Variants in DNAH14 observed in about 807,000 individuals in gnomAD.
DNAH14 encodes the protein axonemal beta dynein heavy chain 14.
In DNAH14, 478 loss-of-function variants were observed where a neutral mutation model predicts 520.9. The observed-to-expected ratio is 0.92, with a 90% CI of 0.85 to 0.99. DNAH14 has a LOEUF of 0.99. Among genes scored for constraint, DNAH14 ranks in the 50% least tolerant of loss-of-function variants. DNAH14 has a pLI of 0.00. For missense variants in DNAH14, 4,831 were observed against 5,234.5 expected (o/e 0.92, Z 2.38); for synonymous variants, 1,581 against 1,757.2 (o/e 0.90, Z 2.51).
intron 28 of DNAH14, among the ~76,000 whole-genome samples, chr1:225,143,522 A>G (rs1455029364): frequency 6.6e-6 from 1 of 152,190 alleles, no homozygotes; most frequent in Admixed American, 6.5e-5. Flanking sequence ...ACACTACTAC[A>G]TGATAGCATA....
At chr1:225,382,637 C>A (rs1265884027) in intron 81 of DNAH14, among the ~76,000 whole-genome samples, 2 of 151,826 alleles carry the variant, frequency 1.3e-5, no homozygotes, top group Non-Finnish European at 2.9e-5. Context: ...TTGCTTGAAC[C>A]CAGAAGGCAG....
intron 23 of DNAH14, among the ~76,000 whole-genome samples, chr1:225,105,442 G>A (rs1352398836): frequency 6.6e-6 from 1 of 152,158 alleles, no homozygotes; most frequent in Non-Finnish European, 1.5e-5. Flanking sequence ...GGATATCCTT[G>A]TTAACTTTCT....
At chr1:225,380,681 G>A (rs2095768577) in intron 80 of DNAH14, among the ~76,000 whole-genome samples, 1 of 152,180 alleles carries the variant, frequency 6.6e-6, no homozygotes, top group Admixed American at 6.5e-5. Context: ...ACCTTCTGCT[G>A]AAAGACCACT....
intron 16 of DNAH14, among the ~76,000 whole-genome samples, chr1:225,050,653 C>T (rs537298953): frequency 1.3e-5 from 2 of 152,304 alleles, no homozygotes; most frequent in African/African-American, 4.8e-5. Flanking sequence ...CAACTCTTTC[C>T]ATTAGCATCA....
At chr1:225,175,806 C>A (rs1210338010) in intron 36 of DNAH14, among the ~76,000 whole-genome samples, 1 of 150,026 alleles carries the variant, frequency 6.7e-6, no homozygotes, top group Non-Finnish European at 1.5e-5. Context: ...GTAAGTCTCA[C>A]AGGACCTGAT....
Position 224,960,214 on chromosome 1 carries a change from G to A in DNAH14, c.279G>A (p.Lys93=), listed in dbSNP as rs2060758579. Residue 93 remains lysine (K), a synonymous_variant, in exon 4 of 86, where the codon AAG becomes AAA. Coordinates refer to ENST00000682510, the MANE Select transcript of DNAH14 (RefSeq NM_001367479.1). Reference sequence around the variant, plus strand: ...TTTCTCCAGAGCCAGCTTCCCTTAAGGAGAAAGGGAAGTCAAGGAGAAAAA... The same window carrying A: ...TTTCTCCAGAGCCAGCTTCCCTTAAAGAGAAAGGGAAGTCAAGGAGAAAAA... ...HMVSPEPASL[K]EKGKSRRKKD... is the part of the protein sequence containing the mutation. The A allele has an allele frequency of 2.5e-6, 4 of 1,611,100 alleles. No individual in the cohort carries two copies. The highest frequency in any genetic ancestry group is 1.7e-5 in the Admixed American group (1 of 59,414).
Position 225,300,944 on chromosome 1 carries a change from G to C in DNAH14, c.8545G>C (p.Asp2849His). ...IPDLFENVEL[D>H]SIAMKIRYLT... ...TGACCTGTTTGAAAATGTTGAGCTG[G>C]ATTCTATTGCAATGAAAATCAGATA... Residue 2849 changes from aspartate (D) to histidine (H), a missense_variant, in exon 56 of 86, where the codon GAT becomes CAT. Coordinates refer to ENST00000682510, the MANE Select transcript of DNAH14 (RefSeq NM_001367479.1). 3.2e-6 allele frequency: 5 copies of C among 1,551,418 alleles called. No homozygotes were observed. The South Asian group carries it at 5.9e-5, about 18-fold the overall frequency.
chr1:225,276,941 AAAAG>A (rs2093482186), intron 53 of DNAH14, among the ~76,000 whole-genome samples: 1 of 102,510 alleles, frequency 9.8e-6, no homozygotes, highest in African/African-American at 3.6e-5. Flanking sequence ...AAGAAGAAGA[AAAAG>A]GAAGGAAGGA....
At chr1:225,033,084 A>C (rs900196222) in intron 11 of DNAH14, among the ~76,000 whole-genome samples, 1 of 152,194 alleles carries the variant, frequency 6.6e-6, no homozygotes, top group Non-Finnish European at 1.5e-5. Flanking sequence ...AAGTTTAATT[A>C]GATCCTGTTT....
At chr1:225,126,869 A>G (rs1248814489) in intron 27 of DNAH14, among the ~76,000 whole-genome samples, 1 of 151,196 alleles carries the variant, frequency 6.6e-6, no homozygotes, top group Non-Finnish European at 1.5e-5. Context: ...CCCTCTACAC[A>G]CTGCTTTGAA....
rs180720964 is a variant in DNAH14 at position 225,013,073 on chromosome 1, C to T, written c.1107+5529C>T. 7.4e-4 allele frequency among the ~76,000 whole-genome samples: 112 copies of T among 152,220 alleles called. 1 individual carries two copies. In the East Asian group the frequency reaches 0.013, roughly 18 times the overall value. Reference sequence around the variant, plus strand: ...GTTTTGGGAATTTTCAGCCTTGGTGCGCTGGATTTTCCTCATCTTCGTGGA... The same window carrying T: ...GTTTTGGGAATTTTCAGCCTTGGTGTGCTGGATTTTCCTCATCTTCGTGGA... On this transcript the variant is annotated intron_variant, in intron 10 of 85. Transcript: ENST00000682510.
chr1:225,349,117 C>T (rs993746498), intron 71 of DNAH14, among the ~76,000 whole-genome samples: 15 of 152,266 alleles, frequency 9.9e-5, no homozygotes, highest in African/African-American at 3.4e-4. Context: ...ACTGCAGGCA[C>T]ATGCCACCAT....
intron 23 of DNAH14, among the ~76,000 whole-genome samples, chr1:225,107,221 T>A (rs994702503): frequency 6.6e-6 from 1 of 152,208 alleles, no homozygotes; most frequent in Non-Finnish European, 1.5e-5. Flanking sequence ...TGTTGCTGCC[T>A]GATCATTCCT....
intron 11 of DNAH14, among the ~76,000 whole-genome samples, chr1:225,036,178 T>G (rs939746539): frequency 6.6e-6 from 1 of 152,108 alleles, no homozygotes; most frequent in Non-Finnish European, 1.5e-5. Flanking sequence ...CACTCTCACC[T>G]GGGATGGAGT....
intron 21 of DNAH14, among the ~76,000 whole-genome samples, chr1:225,092,932 A>G (rs985981410): frequency 1.3e-5 from 2 of 152,158 alleles, no homozygotes; most frequent in Non-Finnish European, 1.5e-5. Context: ...GAAGAAAGAG[A>G]TGAATTTCTG....
intron 43 of DNAH14, among the ~76,000 whole-genome samples, chr1:225,242,787 G>T (rs1379489044): frequency 2.0e-5 from 3 of 152,194 alleles, no homozygotes; most frequent in Non-Finnish European, 4.4e-5. Context: ...ACCCCAGTAG[G>T]TTTGTTTACA....
chr1:225,151,787 A>G, intron 31 of DNAH14: 1 of 648,158 alleles, frequency 1.5e-6, no homozygotes, highest in Non-Finnish European at 2.7e-6. Context: ...ATCTTTGGAC[A>G]TAATCAAATA....
intron 41 of DNAH14, among the ~76,000 whole-genome samples, chr1:225,207,875 A>G (rs1573992038): frequency 2.0e-5 from 3 of 152,172 alleles, no homozygotes; most frequent in African/African-American, 4.8e-5. Context: ...CGCCATGAAT[A>G]GGAGATAAAG....
At chr1:225,007,898 C>T (rs1237091945) in intron 10 of DNAH14, among the ~76,000 whole-genome samples, 1 of 150,964 alleles carries the variant, frequency 6.6e-6, no homozygotes, top group Non-Finnish European at 1.5e-5. Context: ...TTTCAGTAGG[C>T]ACAGCCTGAG....
Sources: allele counts gnomAD v4.1 joint callset (sites outside exome capture counted in the v4.1 genomes callset), GRCh38; gene constraint gnomAD v4.1.1; transcripts MANE v1.5; gene names NCBI Gene and HGNC (gene_info 2026-07-23, HGNC 2026-07-21).